SAMTOR: variants seen among roughly 807,000 people sequenced by gnomAD.
The protein encoded by SAMTOR is UPF0532 protein C7orf60.
the SAMTOR span, among the ~76,000 whole-genome samples, chr7:112,904,297 T>A: frequency 6.6e-6 from 1 of 152,000 alleles, no homozygotes; most frequent in African/African-American, 2.4e-5. Context: ...TATTAAGTCA[T>A]GAAGAAAACC....
chr7:112,904,089 T>A, the SAMTOR span, among the ~76,000 whole-genome samples: 2 of 152,130 alleles, frequency 1.3e-5, no homozygotes, highest in Admixed American at 6.5e-5. Context: ...AAGAAGAAAT[T>A]CCATGAGATG....
chr7:112,922,350 G>A, the SAMTOR span, among the ~76,000 whole-genome samples: 3 of 152,164 alleles, frequency 2.0e-5, no homozygotes, highest in African/African-American at 2.4e-5. Context: ...CCAAAGTGCC[G>A]AGATTGCAGC....
At chr7:112,928,551 G>T in the SAMTOR span, among the ~76,000 whole-genome samples, 2 of 151,926 alleles carry the variant, frequency 1.3e-5, no homozygotes, top group African/African-American at 4.8e-5. Flanking sequence ...GTTAATTAGG[G>T]TGCTCAGTCA....
the SAMTOR span, among the ~76,000 whole-genome samples, chr7:112,867,030 C>T: frequency 6.6e-6 from 1 of 152,190 alleles, no homozygotes; most frequent in Admixed American, 6.5e-5. Context: ...GTCAATTATA[C>T]GTTTTTGTAA....
the SAMTOR span, among the ~76,000 whole-genome samples, chr7:112,904,346 T>C: frequency 1.3e-5 from 2 of 152,094 alleles, no homozygotes; most frequent in Admixed American, 1.3e-4. Flanking sequence ...GACAAAATTA[T>C]ACAATTGCAA....
chr7:112,832,781 T>C, the SAMTOR span: 13 of 650,010 alleles, frequency 2.0e-5, no homozygotes, highest in Non-Finnish European at 3.3e-5. Flanking sequence ...TTTACACATA[T>C]AAAAATTACT....
the SAMTOR span, among the ~76,000 whole-genome samples, chr7:112,917,368 C>T: frequency 6.6e-6 from 1 of 152,232 alleles, no homozygotes; most frequent in Admixed American, 6.5e-5. Context: ...CAAACTCCAA[C>T]AGACCTGCAG....
chr7:112,887,396 A>T, the SAMTOR span, among the ~76,000 whole-genome samples: 1 of 151,992 alleles, frequency 6.6e-6, no homozygotes, highest in Non-Finnish European at 1.5e-5. Context: ...AGAAAATGTT[A>T]ATTCACATTT....
At chr7:112,874,889 A>G in the SAMTOR span, among the ~76,000 whole-genome samples, 2 of 152,160 alleles carry the variant, frequency 1.3e-5, no homozygotes, top group Non-Finnish European at 2.9e-5. Flanking sequence ...TATGTAAAAA[A>G]GCTGTGAGCT....
chr7:112,924,609 T>C, the SAMTOR span, among the ~76,000 whole-genome samples: 2 of 152,280 alleles, frequency 1.3e-5, no homozygotes, highest in East Asian at 3.9e-4. Context: ...TATACAAATA[T>C]TTCCATTAAT....
chr7:112,844,330 C>G, the SAMTOR span, among the ~76,000 whole-genome samples: 1 of 152,022 alleles, frequency 6.6e-6, no homozygotes, highest in Non-Finnish European at 1.5e-5. Flanking sequence ...GAAAGGAAGT[C>G]AAACCATCCC....
the SAMTOR span, chr7:112,915,488 C>T: frequency 4.1e-6 from 6 of 1,472,692 alleles, no homozygotes; most frequent in Admixed American, 1.3e-4. Context: ...TACACTGAAA[C>T]ATGTCAGACT....
At chr7:112,870,745 T>C in the SAMTOR span, among the ~76,000 whole-genome samples, 6 of 147,112 alleles carry the variant, frequency 4.1e-5, no homozygotes, top group African/African-American at 1.3e-4. Flanking sequence ...AGTTGGAAAT[T>C]GGATTAAAAA....
At chr7:112,853,587 T>C in the SAMTOR span, among the ~76,000 whole-genome samples, 1 of 152,174 alleles carries the variant, frequency 6.6e-6, no homozygotes, top group Non-Finnish European at 1.5e-5. Context: ...TTTTTTTGCT[T>C]ATTGAGTAAG....
At chr7:112,838,555 T>G in the SAMTOR span, among the ~76,000 whole-genome samples, 1 of 152,032 alleles carries the variant, frequency 6.6e-6, no homozygotes, top group South Asian at 2.1e-4. Context: ...AGATGGGATG[T>G]CTGAGTATAC....
At chr7:112,859,405 A>G in the SAMTOR span, among the ~76,000 whole-genome samples, 1 of 152,240 alleles carries the variant, frequency 6.6e-6, no homozygotes, top group African/African-American at 2.4e-5. Flanking sequence ...CTGCATTGCC[A>G]GTCTTGGAAA....
chr7:112,904,094 G>T, the SAMTOR span, among the ~76,000 whole-genome samples: 1 of 152,098 alleles, frequency 6.6e-6, no homozygotes, highest in East Asian at 1.9e-4. Flanking sequence ...GAAATTCCAT[G>T]AGATGTATGG....
chr7:112,915,408 T>C, the SAMTOR span: 1 of 1,613,338 alleles, frequency 6.2e-7, no homozygotes, highest in African/African-American at 1.3e-5. Context: ...AGTTTCTTCA[T>C]CCTCACAGTG....
At chr7:112,861,777 C>T in the SAMTOR span, among the ~76,000 whole-genome samples, 2 of 152,160 alleles carry the variant, frequency 1.3e-5, no homozygotes, top group East Asian at 1.9e-4. Flanking sequence ...CATTAGATTA[C>T]GAACATCTTC....
Sources: allele counts gnomAD v4.1 joint callset (sites outside exome capture counted in the v4.1 genomes callset), GRCh38; gene constraint gnomAD v4.1.1; transcripts MANE v1.5; gene names NCBI Gene and HGNC (gene_info 2026-07-23, HGNC 2026-07-21).